Variants in SATL1 observed in about 807,000 individuals in gnomAD.
SATL1 encodes spermidine/spermine N1-acetyl transferase like 1.
In SATL1, 47 loss-of-function variants were observed where a neutral mutation model predicts 51.8. The observed-to-expected ratio is 0.91, with a 90% CI of 0.72 to 1.16. The LOEUF (loss-of-function observed/expected upper bound fraction) is 1.16. Ranked by LOEUF, SATL1 falls within the 50% of genes most tolerant of loss-of-function variation. The pLI is 0.00. For synonymous variants in SATL1, 176 were observed against 182.4 expected (o/e 0.97, Z 0.28); for missense variants, 520 against 526.4 (o/e 0.99, Z 0.12).
At chrX:85,181,166 G>GAT (rs778767839) in intron 2 of SATL1, among the ~76,000 whole-genome samples, 10,812 of 99,399 alleles carry the variant, frequency 0.11, 530 homozygotes, top group South Asian at 0.17. Context: ...CACACAGACA[G>GAT]ATATATATAT....
At position 85,212,489 on chromosome X, in the gene SATL1, A is replaced by T. The variant is rs200307907; in HGVS notation, c.-313+11716T>A. Among the ~76,000 whole-genome samples, 3 of 111,683 alleles carry T rather than the reference A, an allele frequency of 2.7e-5. No homozygotes were observed. In the East Asian group the frequency reaches 8.4e-4, roughly 31 times the overall value. On this transcript the variant is annotated intron_variant, in intron 2 of 7. Coordinates refer to ENST00000644105, the MANE Select transcript of SATL1 (RefSeq NM_001367857.2). Reference sequence around the variant, plus strand: ...AGAATAAAAAGAGAACTGTTTCATTATTTCAGTTTTATGAGAATGCCATTA... The same window carrying T: ...AGAATAAAAAGAGAACTGTTTCATTTTTTCAGTTTTATGAGAATGCCATTA...
intron 2 of SATL1, among the ~76,000 whole-genome samples, chrX:85,152,672 A>G (rs147526807): frequency 0.049 from 5,421 of 111,623 alleles, 370 homozygotes; most frequent in African/African-American, 0.17. Flanking sequence ...TTCTAGGGGC[A>G]TGGATGAAAT....
At chrX:85,188,642 T>C (rs975414708) in intron 2 of SATL1, among the ~76,000 whole-genome samples, 1 of 110,314 alleles carries the variant, frequency 9.1e-6, no homozygotes, top group Non-Finnish European at 1.9e-5. Context: ...CAAGACTTCA[T>C]CTCTCTAAAA....
chrX:85,103,819 G>A (rs969440606), intron 4 of SATL1, 45 bp downstream of exon 4: 5 of 917,132 alleles, frequency 5.5e-6, no homozygotes, highest in Middle Eastern at 5.4e-4. Context: ...AAGTAGTACT[G>A]TGTGTTTCTT....
intron 2 of SATL1, among the ~76,000 whole-genome samples, chrX:85,120,320 A>G (rs1925476806): frequency 9.0e-6 from 1 of 111,695 alleles, no homozygotes; most frequent in South Asian, 3.7e-4. Context: ...TTAGAAGGAA[A>G]TCCCAGCTCC....
At chrX:85,116,898 T>G (rs1247697678) in intron 2 of SATL1, among the ~76,000 whole-genome samples, 2 of 110,867 alleles carry the variant, frequency 1.8e-5, no homozygotes, top group Non-Finnish European at 3.8e-5. Context: ...ATCTCAGGAG[T>G]TGGGCATGTG....
intron 2 of SATL1, among the ~76,000 whole-genome samples, chrX:85,182,434 T>C: frequency 8.9e-6 from 1 of 112,023 alleles, no homozygotes; most frequent in Non-Finnish European, 1.9e-5. Context: ...TTCTGTTTTA[T>C]GGCTGAATAG....
chrX:85,202,976 G>T (rs978371859), intron 2 of SATL1, among the ~76,000 whole-genome samples: 2 of 111,875 alleles, frequency 1.8e-5, no homozygotes, highest in East Asian at 2.8e-4. Context: ...TAGCTCTGGT[G>T]GGGGGTGGCT....
At chrX:85,141,678 G>A (rs180872197) in intron 2 of SATL1, among the ~76,000 whole-genome samples, 278 of 111,065 alleles carry the variant, frequency 2.5e-3, no homozygotes, top group African/African-American at 8.2e-3. Context: ...TTTAAGTAGA[G>A]TGCTTCAGTT....
intron 2 of SATL1, among the ~76,000 whole-genome samples, chrX:85,160,446 G>C (rs771346414): frequency 9.1e-6 from 1 of 110,382 alleles, no homozygotes; most frequent in African/African-American, 3.3e-5. Flanking sequence ...ACAGTAAAAC[G>C]ATACAGGAGC....
chrX:85,150,478 A>T (rs1247363329), intron 2 of SATL1, among the ~76,000 whole-genome samples: 13 of 106,905 alleles, frequency 1.2e-4, no homozygotes, highest in African/African-American at 4.7e-4. Flanking sequence ...GGCCAGCATC[A>T]TCCTGATACC....
intron 3 of SATL1, among the ~76,000 whole-genome samples, chrX:85,106,172 C>G (rs746378928): frequency 1.2e-4 from 13 of 111,968 alleles, no homozygotes; most frequent in Non-Finnish European, 2.3e-4. Context: ...TTTCTACCAC[C>G]TGGAAGAATG....
intron 2 of SATL1, among the ~76,000 whole-genome samples, chrX:85,191,732 T>G (rs910228207): frequency 9.0e-6 from 1 of 111,706 alleles, no homozygotes; most frequent in African/African-American, 3.3e-5. Flanking sequence ...TAAGTGGAAA[T>G]GGATCATCAT....
intron 2 of SATL1, among the ~76,000 whole-genome samples, chrX:85,203,539 C>G: frequency 9.0e-6 from 1 of 110,937 alleles, no homozygotes; most frequent in East Asian, 2.9e-4. Context: ...GAATTCAGAT[C>G]TCTGTCAGCT....
chrX:85,148,059 G>C, intron 2 of SATL1, among the ~76,000 whole-genome samples: 1 of 111,543 alleles, frequency 9.0e-6, no homozygotes, highest in East Asian at 2.8e-4. Flanking sequence ...CAAAGGCAAA[G>C]AAGTTAAAAA....
At position 85,172,593 on chromosome X, in the gene SATL1, CTTT is replaced by C. The variant is rs1427859064; in HGVS notation, c.-313+51609_-313+51611del. On this transcript the variant is annotated intron_variant, in intron 2 of 7. Transcript: ENST00000644105. ...ATCTTTCCTTCTGTTCTCTATGCTT[CTTT>C]GACAGACTGTCTTAACTTAGGGCTC... 3.6e-5 allele frequency among the ~76,000 whole-genome samples: 4 copies of C among 111,167 alleles called. No homozygotes were observed. The East Asian group carries it at 8.5e-4, about 24-fold the overall frequency.
chrX:85,194,144 T>C (rs907715835), intron 2 of SATL1, among the ~76,000 whole-genome samples: 1 of 112,298 alleles, frequency 8.9e-6, no homozygotes, highest in Non-Finnish European at 1.9e-5. Flanking sequence ...CAACAGTATA[T>C]AAGTGTTGCT....
chrX:85,238,534 G>C (rs964174888), intron 1 of SATL1, among the ~76,000 whole-genome samples: 1 of 111,223 alleles, frequency 9.0e-6, no homozygotes, highest in African/African-American at 3.3e-5. Context: ...TGAAAATAGA[G>C]ACCAGAATGA....
intron 2 of SATL1, among the ~76,000 whole-genome samples, chrX:85,129,878 G>C (rs1602853748): frequency 1.8e-5 from 2 of 111,577 alleles, no homozygotes; most frequent in Non-Finnish European, 3.8e-5. Flanking sequence ...TTTTGTCAAA[G>C]GCCTTTTCTG....
Sources: allele counts gnomAD v4.1 joint callset (sites outside exome capture counted in the v4.1 genomes callset), GRCh38; gene constraint gnomAD v4.1.1; transcripts MANE v1.5; gene names NCBI Gene and HGNC (gene_info 2026-07-23, HGNC 2026-07-21).